Variants in PDE4DIP observed in about 807,000 individuals in gnomAD.
The protein encoded by PDE4DIP is phosphodiesterase 4D interacting protein.
PDE4DIP carries 59 observed loss-of-function variants against 221.4 expected under a neutral mutation model. That is an observed-to-expected ratio of 0.27 (90% CI 0.22 to 0.33). PDE4DIP has a LOEUF of 0.33. Ranked by LOEUF, PDE4DIP falls within the 10% of genes least tolerant of loss-of-function variation. The probability of loss-of-function intolerance (pLI) is 1.00; values close to 1 mark genes in which losing one functional copy is unlikely to be tolerated. For synonymous variants in PDE4DIP, 404 were observed against 815.9 expected, an observed-to-expected ratio of 0.50 and a Z score of 8.60; for missense variants, 1,036 against 2,154.2, an observed-to-expected ratio of 0.48 and a Z score of 10.28.
chr1:148,953,047 C>G lies in PDE4DIP; in HGVS notation c.637-7607C>G, dbSNP rs782527088. 4 of 1,614,190 alleles carry G rather than the reference C, an allele frequency of 2.5e-6. No individual in the cohort carries two copies. In the East Asian group the frequency reaches 8.9e-5, roughly 36 times the overall value. On this transcript the variant is annotated intron_variant, in intron 5 of 43. Transcript: ENST00000369354. Reference sequence around the variant, plus strand: ...AGCTGCTACTGGAGAAGGATCGCCTCAAGTTCTGCATTGCCAGTATGTATC... The same window carrying G: ...AGCTGCTACTGGAGAAGGATCGCCTGAAGTTCTGCATTGCCAGTATGTATC...
At chr1:148,914,351 AC>A (rs2043363104) in intron 1 of PDE4DIP, among the ~76,000 whole-genome samples, 1 of 151,786 alleles carries the variant, frequency 6.6e-6, no homozygotes, top group African/African-American at 2.4e-5. Context: ...GGCCCGCCAG[AC>A]GTGGTGGCTC....
intron 21 of PDE4DIP, among the ~76,000 whole-genome samples, chr1:148,988,208 T>C (rs1239916848): frequency 2.0e-5 from 3 of 152,002 alleles, no homozygotes; most frequent in Admixed American, 6.6e-5. Context: ...CTGCTGATGC[T>C]ATTTAGGTTC....
chr1:148,992,600 T>G (rs2063354071), intron 22 of PDE4DIP: 2 of 683,484 alleles, frequency 2.9e-6, no homozygotes, highest in East Asian at 9.1e-5. Context: ...TCAGTGAAGA[T>G]GTAACTAGCA....
chr1:149,001,105 T>A (rs1313337917), intron 23 of PDE4DIP, among the ~76,000 whole-genome samples: 1 of 152,296 alleles, frequency 6.6e-6, no homozygotes, highest in Non-Finnish European at 1.5e-5. Flanking sequence ...ATTATCTAAG[T>A]ACATTTTGAT....
intron 5 of PDE4DIP, among the ~76,000 whole-genome samples, chr1:148,950,317 T>C (rs1376572542): frequency 1.3e-5 from 2 of 151,734 alleles, no homozygotes; most frequent in Non-Finnish European, 2.9e-5. Context: ...TGTTGCTTAA[T>C]TTCTTCCAAC....
chr1:149,032,475 C>T (rs181487758), exon 44 of PDE4DIP: 9,100 of 342,474 alleles, frequency 0.027, 168 homozygotes, highest in South Asian at 0.046. Context: ...ACACTGCTGG[C>T]GGGGGCTCAG....
At chr1:148,981,392 T>C (rs782043140) in exon 21 of PDE4DIP, 21 of 1,613,792 alleles carry the variant, frequency 1.3e-5, no homozygotes, top group Middle Eastern at 3.3e-4. Context: ...CTGGCCGCCA[T>C]TGGAGGTGGG....
chr1:148,905,178 G>GTTTTTTT (rs56687289), intron 1 of PDE4DIP, among the ~76,000 whole-genome samples: 9 of 94,496 alleles, frequency 9.5e-5, no homozygotes, highest in East Asian at 3.3e-4. Flanking sequence ...TCTCTTCTAG[G>GTTTTTTT]TTTTTTTTTT....
intron 4 of PDE4DIP, among the ~76,000 whole-genome samples, chr1:148,934,205 G>T (rs1481381388): frequency 3.3e-5 from 5 of 151,920 alleles, no homozygotes; most frequent in Non-Finnish European, 5.9e-5. Context: ...TGAAGTTTCT[G>T]TATTGTTTCT....
At chr1:148,997,029 G>A (rs1433882313) in intron 22 of PDE4DIP, among the ~76,000 whole-genome samples, 4 of 152,266 alleles carry the variant, frequency 2.6e-5, no homozygotes, top group Admixed American at 2.0e-4. Context: ...CTGTGGGGGA[G>A]GGGTGGAAAA....
chr1:148,926,567 G>T (rs1367154394), intron 1 of PDE4DIP, among the ~76,000 whole-genome samples: 1 of 144,138 alleles, frequency 6.9e-6, no homozygotes, highest in East Asian at 2.1e-4. Flanking sequence ...TTATACCTGT[G>T]TTAGAAACAC....
At chr1:148,922,744 C>T (rs2045728976) in intron 1 of PDE4DIP, among the ~76,000 whole-genome samples, 1 of 150,038 alleles carries the variant, frequency 6.7e-6, no homozygotes, top group African/African-American at 2.4e-5. Context: ...CCCGCCACCA[C>T]ACCCGGCTAA....
At chr1:148,975,792 T>A (rs587632769) in intron 17 of PDE4DIP, among the ~76,000 whole-genome samples, 1 of 152,186 alleles carries the variant, frequency 6.6e-6, no homozygotes, top group African/African-American at 2.4e-5. Context: ...CTCAATGTCA[T>A]GGCTTCCTAA....
chr1:149,016,389 C>T (rs782673147), exon 33 of PDE4DIP: 2 of 1,207,062 alleles, frequency 1.7e-6, no homozygotes, highest in Non-Finnish European at 2.5e-6. Flanking sequence ...TCTGCCCAGC[C>T]TCACTCTCCT....
At chr1:148,826,026 C>T (rs1423083925) in intron 1 of PDE4DIP, among the ~76,000 whole-genome samples, 2 of 86,284 alleles carry the variant, frequency 2.3e-5, no homozygotes, top group African/African-American at 8.8e-5. Context: ...TCTTGATTAC[C>T]GAGATTTTGG....
chr1:148,972,720 G>C, intron 16 of PDE4DIP, 128 bp downstream of exon 19: 1 of 532,162 alleles, frequency 1.9e-6, no homozygotes, highest in Non-Finnish European at 3.3e-6. Flanking sequence ...AATAAGTTTG[G>C]AATTCCTCTG....
At chr1:148,942,202 G>A (rs1287163593) in intron 5 of PDE4DIP, 2 of 151,944 alleles carry the variant, frequency 1.3e-5, no homozygotes, top group East Asian at 3.9e-4. Context: ...TCTGGAGTAT[G>A]AGTATAATAT....
chr1:149,028,397 G>A (rs587666367), intron 40 of PDE4DIP, among the ~76,000 whole-genome samples, 163 bp from the exon 44 acceptor site: 78 of 151,014 alleles, frequency 5.2e-4, no homozygotes, highest in Non-Finnish European at 1.0e-3. Flanking sequence ...GGCATTCCTG[G>A]TAAAGGGAGC....
intron 1 of PDE4DIP, among the ~76,000 whole-genome samples, chr1:148,910,234 T>C (rs1553453514): frequency 9.7e-6 from 1 of 103,340 alleles, no homozygotes; most frequent in Admixed American, 1.0e-4. Context: ...GTGAAAGTCC[T>C]CTTGGGGCAG....
Sources: allele counts gnomAD v4.1 joint callset (sites outside exome capture counted in the v4.1 genomes callset), GRCh38; gene constraint gnomAD v4.1.1; transcripts MANE v1.5; gene names NCBI Gene and HGNC (gene_info 2026-07-23, HGNC 2026-07-21).